Variants in UNC13C observed in about 807,000 individuals in gnomAD.
UNC13C encodes the protein protein unc-13 homolog C.
In UNC13C, 174 loss-of-function variants were observed where a neutral mutation model predicts 245.4. The ratio of observed to expected loss-of-function variants is 0.71; its 90% CI spans 0.63 to 0.80. The LOEUF (loss-of-function observed/expected upper bound fraction) is 0.80, where lower values mean the gene tolerates loss of function less well. Ranked by LOEUF, UNC13C falls within the 30% of genes least tolerant of loss-of-function variation. UNC13C has a pLI of 0.00. For missense variants in UNC13C, 2,829 were observed against 2,602.9 expected, an observed-to-expected ratio of 1.09 and a Z score of -1.89; for synonymous variants, 992 against 895.1, an observed-to-expected ratio of 1.11 and a Z score of -1.93.
At chr15:54,194,058 A>T (rs1236592799) in intron 4 of UNC13C, among the ~76,000 whole-genome samples, 3 of 152,176 alleles carry the variant, frequency 2.0e-5, no homozygotes, top group African/African-American at 7.2e-5. Flanking sequence ...TGCAAAGGCC[A>T]TATCTCTGAG....
rs149817387 is a variant in UNC13C at position 54,443,985 on chromosome 15, A to C, written c.4933+28918A>C. ...AATTTTCTGTCTAGATGATCTGTCT[A>C]ATACTGACAGTAAGTTCCCTACCAT... On this transcript the variant is annotated intron_variant, in intron 19 of 32. Transcript: ENST00000260323. Among the ~76,000 whole-genome samples, 537 of 152,064 alleles carry C rather than the reference A, an allele frequency of 3.5e-3. 3 individuals carry two copies. Among genetic ancestry groups the C allele is most frequent in the African/African-American group, 0.013 (522 of 41,546 alleles).
chr15:54,624,513 G>A (rs1301389669), intron 32 of UNC13C, among the ~76,000 whole-genome samples: 2 of 151,856 alleles, frequency 1.3e-5, no homozygotes, highest in Admixed American at 6.6e-5. Flanking sequence ...TACAGATAGT[G>A]TGTCACATAG....
rs1399608717 is a variant in UNC13C at position 54,555,492 on chromosome 15, G to T, written c.5938G>T (p.Val1980Leu). ...GCCAAGACAATGCGCTATAATGGAG[G>T]TAGTCCTGGCTACCATCAAGGTGAG... ...LTPRQCAIME[V>L]VLATIKQYFH... The change falls in exon 29 of 33, where the codon GTA becomes TTA. Residue 1980 changes from valine to leucine, a missense_variant. By Grantham distance (32) the Val-to-Leu change is conservative. Coordinates refer to ENST00000260323, the MANE Select transcript of UNC13C (RefSeq NM_001080534.3). 3 of 1,611,930 alleles carry T rather than the reference G, an allele frequency of 1.9e-6. No individual in the cohort carries two copies. Among genetic ancestry groups the T allele is most frequent in the South Asian group, 1.1e-5 (1 of 90,846 alleles).
intron 26 of UNC13C, among the ~76,000 whole-genome samples, chr15:54,543,375 A>G (rs537499242): frequency 9.5e-4 from 142 of 149,506 alleles, no homozygotes; most frequent in African/African-American, 3.5e-3. Flanking sequence ...CACTAACATC[A>G]AAATTAAAAG....
chr15:54,069,242 A>G (rs1416533466), intron 2 of UNC13C, among the ~76,000 whole-genome samples: 1 of 152,122 alleles, frequency 6.6e-6, no homozygotes, highest in Non-Finnish European at 1.5e-5. Context: ...GACCTTTGGG[A>G]GGTTGTAGAG....
At chr15:54,498,802 G>A (rs1047113462) in intron 20 of UNC13C, among the ~76,000 whole-genome samples, 3 of 152,092 alleles carry the variant, frequency 2.0e-5, no homozygotes, top group Non-Finnish European at 4.4e-5. Flanking sequence ...TTATTATAAA[G>A]ATAGCAATTC....
At chr15:54,580,564 T>C (rs1298271266) in intron 30 of UNC13C, among the ~76,000 whole-genome samples, 1 of 152,202 alleles carries the variant, frequency 6.6e-6, no homozygotes, top group Non-Finnish European at 1.5e-5. Context: ...TCTCTAAGCC[T>C]CAATTTTGTC....
At chr15:54,022,439 C>G (rs1420074261) in intron 2 of UNC13C, among the ~76,000 whole-genome samples, 1 of 152,100 alleles carries the variant, frequency 6.6e-6, no homozygotes, top group East Asian at 1.9e-4. Context: ...TCCAGAGTAG[C>G]TGGGATTACA....
At chr15:53,994,167 G>T (rs75429479) in intron 1 of UNC13C, among the ~76,000 whole-genome samples, 3 of 128,110 alleles carry the variant, frequency 2.3e-5, no homozygotes, top group Admixed American at 7.3e-5. Flanking sequence ...GACGTTACAC[G>T]TATAATTTGG....
chr15:53,981,256 C>G (rs780332454), intron 1 of UNC13C, among the ~76,000 whole-genome samples: 11 of 152,166 alleles, frequency 7.2e-5, no homozygotes, highest in Non-Finnish European at 1.5e-4. Flanking sequence ...ATATATGTTT[C>G]TGTTATTCAT....
intron 2 of UNC13C, among the ~76,000 whole-genome samples, chr15:54,052,277 A>G: frequency 7.4e-6 from 1 of 134,296 alleles, no homozygotes; most frequent in Non-Finnish European, 1.6e-5. Context: ...GTATATACCC[A>G]GTAATGGGAT....
chr15:54,211,024 G>T (rs1470706929), intron 4 of UNC13C, among the ~76,000 whole-genome samples: 1 of 152,112 alleles, frequency 6.6e-6, no homozygotes, highest in Non-Finnish European at 1.5e-5. Flanking sequence ...GTAAAGAAAT[G>T]CAGGGCATTC....
chr15:54,300,893 A>G (rs967024335), intron 13 of UNC13C, among the ~76,000 whole-genome samples: 4 of 152,110 alleles, frequency 2.6e-5, no homozygotes, highest in African/African-American at 7.2e-5. Flanking sequence ...TCCTTCTCAT[A>G]TTTATATCAG....
At chr15:54,117,311 T>A (rs1465856798) in intron 2 of UNC13C, among the ~76,000 whole-genome samples, 1 of 152,132 alleles carries the variant, frequency 6.6e-6, no homozygotes, top group Non-Finnish European at 1.5e-5. Context: ...TTGCTTTTGT[T>A]TTCTGTTCTT....
chr15:54,243,491 G>A (rs1340144541), intron 7 of UNC13C, among the ~76,000 whole-genome samples: 2 of 152,102 alleles, frequency 1.3e-5, no homozygotes, highest in Non-Finnish European at 2.9e-5. Flanking sequence ...ATTCCTTTGG[G>A]TATATACCCA....
chr15:54,518,481 G>A (rs1895075945), intron 24 of UNC13C, among the ~76,000 whole-genome samples: 1 of 152,186 alleles, frequency 6.6e-6, no homozygotes, highest in African/African-American at 2.4e-5. Context: ...AGGAGAGGGA[G>A]ACGGCTTCAC....
chr15:53,905,399 T>TACACAC, the UNC13C span, among the ~76,000 whole-genome samples: 7,315 of 123,514 alleles, frequency 0.059, 477 homozygotes, highest in African/African-American at 0.17. Flanking sequence ...TATTACTTTA[T>TACACAC]ACACACACAC....
chr15:54,320,872 T>A, intron 13 of UNC13C: 1 of 327,766 alleles, frequency 3.1e-6, no homozygotes, highest in East Asian at 7.9e-5. Context: ...CATCCAAAAT[T>A]TGAAGATTGA....
At chr15:53,945,945 A>G in the UNC13C span, among the ~76,000 whole-genome samples, 1 of 151,962 alleles carries the variant, frequency 6.6e-6, no homozygotes, top group Non-Finnish European at 1.5e-5. Context: ...TGTATCTCTC[A>G]TTGTAGAGAT....
Sources: gnomAD v4.1 joint callset for allele counts (sites outside exome capture counted in the v4.1 genomes callset) on GRCh38, gnomAD v4.1.1 for gene constraint, MANE v1.5 for transcripts, NCBI Gene and HGNC (gene_info 2026-07-23, HGNC 2026-07-21) for gene names.